The following SUSD6 variants were observed in gnomAD, a reference collection of about 807,000 sequenced individuals.
SUSD6 encodes sushi domain-containing protein 6.
A neutral mutation model predicts 28.4 loss-of-function variants in SUSD6; 16 were observed. The ratio of observed to expected loss-of-function variants is 0.56; its 90% confidence interval spans 0.38 to 0.86. The LOEUF is 0.86. Among genes scored for constraint, SUSD6 ranks in the 40% least tolerant of loss-of-function variants. SUSD6 has a pLI of 0.00. For missense variants in SUSD6, 341 were observed against 384.2 expected (o/e 0.89, Z 0.94); for synonymous variants, 147 against 159.6 (o/e 0.92, Z 0.59).
intron 2 of SUSD6, among the ~76,000 whole-genome samples, chr14:69,671,096 A>T (rs138463525): frequency 2.9e-3 from 438 of 152,352 alleles, no homozygotes; most frequent in African/African-American, 0.01. Flanking sequence ...AGATGCTGCT[A>T]GTGGAGGCAG....
chr14:69,641,807 G>A (rs1885358113), intron 1 of SUSD6, among the ~76,000 whole-genome samples: 1 of 150,226 alleles, frequency 6.7e-6, no homozygotes, highest in Non-Finnish European at 1.5e-5. Flanking sequence ...GTCTCCCTAT[G>A]TTGCCCAGGC....
chr14:69,631,368 T>C (rs1885191845), intron 1 of SUSD6, among the ~76,000 whole-genome samples: 1 of 152,232 alleles, frequency 6.6e-6, no homozygotes, highest in Non-Finnish European at 1.5e-5. Flanking sequence ...TTATATAAAA[T>C]GGAATAAATT....
chr14:69,638,230 C>G (rs907077293), intron 1 of SUSD6, among the ~76,000 whole-genome samples: 6 of 152,134 alleles, frequency 3.9e-5, no homozygotes, highest in Non-Finnish European at 4.4e-5. Flanking sequence ...GTTTTCTGTC[C>G]CTCCTCCTGG....
chr14:69,656,093 T>C (rs1192794939), intron 1 of SUSD6, among the ~76,000 whole-genome samples: 1 of 150,198 alleles, frequency 6.7e-6, no homozygotes, highest in Non-Finnish European at 1.5e-5. Context: ...TTTTCCTTCC[T>C]TCCTCCTTTC....
In SUSD6 at chr14:69,711,203, T is replaced by G. The variant is rs1222628544; in HGVS notation, c.*224T>G. ...CAGCTGGAGGAGCTGGCTCTTTGCC[T>G]GGCCCCGCCTTCCCATCTGTCAGAG... On this transcript the variant is annotated 3_prime_UTR_variant, in exon 6 of 6. Coordinates refer to ENST00000342745, the MANE Select transcript of SUSD6 (RefSeq NM_014734.4). 7 of 582,138 alleles carry G rather than the reference T, an allele frequency of 1.2e-5. No individual in the cohort carries two copies. Among genetic ancestry groups the G allele is most frequent in the South Asian group, 2.1e-5 (1 of 48,336 alleles). 36.1% of individuals were successfully genotyped at this position (582,138 alleles called of 1,614,324 possible).
In SUSD6 at chr14:69,712,785, C is replaced by T. The variant is rs1240421398; in HGVS notation, c.*1806C>T. The T allele has an allele frequency of 6.6e-6, 1 of 152,582 alleles. No homozygotes were observed. Among genetic ancestry groups the T allele is most frequent in the African/African-American group, 2.4e-5 (1 of 41,434 alleles). The allele number at this position is 152,582 out of a possible 1,614,324, so 9.5% of individuals were successfully genotyped here. The stretch of plus-strand genomic sequence containing the variant: ...CTTCCTCTCAGGGTAAGGGCAGTGC[C>T]TGCTGTGCCTGTTGGCCACTCCCAC... On this transcript the variant is annotated 3_prime_UTR_variant, in exon 6 of 6. Transcript: ENST00000342745.
intron 1 of SUSD6, among the ~76,000 whole-genome samples, chr14:69,630,095 C>T (rs576571178): frequency 6.6e-6 from 1 of 152,292 alleles, no homozygotes; most frequent in East Asian, 1.9e-4. Flanking sequence ...ATATTGAATG[C>T]TTTCTATTTG....
intron 1 of SUSD6, among the ~76,000 whole-genome samples, chr14:69,645,716 C>T (rs1202274264): frequency 6.6e-6 from 1 of 152,088 alleles, no homozygotes; most frequent in Non-Finnish European, 1.5e-5. Context: ...CACTCCCTTC[C>T]CCAAATAGTT....
intron 2 of SUSD6, among the ~76,000 whole-genome samples, chr14:69,679,614 G>A (rs944303837): frequency 4.0e-5 from 6 of 150,958 alleles, no homozygotes; most frequent in African/African-American, 1.5e-4. Context: ...GCTATTGTTA[G>A]TGTTAGTGTA....
intron 1 of SUSD6, among the ~76,000 whole-genome samples, chr14:69,622,294 A>G (rs1885052501): frequency 6.6e-6 from 1 of 152,088 alleles, no homozygotes; most frequent in Non-Finnish European, 1.5e-5. Context: ...CCTCCTGAAT[A>G]GCTGGGACTA....
intron 1 of SUSD6, among the ~76,000 whole-genome samples, chr14:69,618,026 C>T (rs894118216): frequency 6.6e-5 from 10 of 152,180 alleles, no homozygotes; most frequent in African/African-American, 2.4e-4. Flanking sequence ...AGTGTCATTT[C>T]CTCTACAGGA....
intron 2 of SUSD6, among the ~76,000 whole-genome samples, chr14:69,702,880 A>G (rs778485316): frequency 1.3e-5 from 2 of 152,228 alleles, no homozygotes; most frequent in Non-Finnish European, 2.9e-5. Flanking sequence ...TACTATAGTC[A>G]GAGAATGGAA....
intron 2 of SUSD6, among the ~76,000 whole-genome samples, chr14:69,690,982 C>T (rs552077809): frequency 2.6e-5 from 4 of 152,306 alleles, no homozygotes; most frequent in African/African-American, 9.6e-5. Context: ...CCCCACCCCC[C>T]AGAATGTACA....
intron 2 of SUSD6, among the ~76,000 whole-genome samples, chr14:69,690,821 T>C (rs1886142238): frequency 6.6e-6 from 1 of 152,232 alleles, no homozygotes; most frequent in Non-Finnish European, 1.5e-5. Context: ...CACCTGCCTG[T>C]GCACAGTGAG....
At chr14:69,617,160 T>C (rs1238125692) in intron 1 of SUSD6, 1 of 152,262 alleles carries the variant, frequency 6.6e-6, no homozygotes, top group Non-Finnish European at 1.5e-5. Context: ...TGTATTGATA[T>C]ACCACATTTT....
chr14:69,700,969 G>C (rs964280429), intron 2 of SUSD6, among the ~76,000 whole-genome samples: 1 of 152,118 alleles, frequency 6.6e-6, no homozygotes, highest in Admixed American at 6.5e-5. Flanking sequence ...ATACTGGAGA[G>C]TATGTTTATA....
At chr14:69,670,042 A>G (rs1158347075) in intron 2 of SUSD6, among the ~76,000 whole-genome samples, 1 of 152,180 alleles carries the variant, frequency 6.6e-6, no homozygotes, top group Non-Finnish European at 1.5e-5. Context: ...TCCAAACCCT[A>G]ATGACCCTGG....
intron 2 of SUSD6, among the ~76,000 whole-genome samples, chr14:69,686,432 AAC>A (rs1466226561): frequency 1.3e-5 from 2 of 152,216 alleles, no homozygotes; most frequent in Non-Finnish European, 2.9e-5. Context: ...GTCGTGCAAA[AAC>A]AAAGCCCTTT....
At chr14:69,647,652 G>GAA (rs780426786) in intron 1 of SUSD6, among the ~76,000 whole-genome samples, 2 of 143,326 alleles carry the variant, frequency 1.4e-5, no homozygotes, top group African/African-American at 5.2e-5. Flanking sequence ...CAACCCCCTG[G>GAA]AAAAAAAAAA....
Sources: allele counts gnomAD v4.1 joint callset (sites outside exome capture counted in the v4.1 genomes callset), GRCh38; gene constraint gnomAD v4.1.1; transcripts MANE v1.5; gene names NCBI Gene and HGNC (gene_info 2026-07-23, HGNC 2026-07-21).